Variants in UBE3C observed in about 807,000 individuals in gnomAD.
UBE3C encodes ubiquitin-protein ligase E3C.
Under a neutral mutation model 129.4 loss-of-function variants are expected in UBE3C, and 42 were observed. That is an observed-to-expected ratio of 0.32 (90% CI 0.25 to 0.42). The LOEUF is 0.42. Ranked by LOEUF, UBE3C falls within the 10% of genes least tolerant of loss-of-function variation. UBE3C has a pLI of 1.00. For missense variants in UBE3C, 1,049 were observed against 1,319.1 expected (o/e 0.80, Z 3.17); for synonymous variants, 510 against 492.4 (o/e 1.04, Z -0.47).
At chr7:157,206,753 T>C (rs1809445504) in intron 11 of UBE3C, among the ~76,000 whole-genome samples, 1 of 150,054 alleles carries the variant, frequency 6.7e-6, no homozygotes, top group Admixed American at 6.7e-5. Flanking sequence ...TCACCACACC[T>C]GGCTAATTAA....
In UBE3C at chr7:157,245,992, C is replaced by CAAAA. The variant is rs56270719; in HGVS notation, c.2482-2357_2482-2354dup. On this transcript the variant is annotated intron_variant, in intron 18 of 22. Transcript: ENST00000348165. ...CGGGCAACAGAGGGAGACTCCGTCT[C>CAAAA]AAAAAAAAAAAAAAAAAAAAAACAG... Among the ~76,000 whole-genome samples the CAAAA allele has an allele frequency of 2.7e-3, 230 of 84,634 alleles. 2 individuals carry two copies. The highest frequency in any genetic ancestry group is 0.014 in the Middle Eastern group (2 of 138). 55.5% of individuals were successfully genotyped at this position (84,634 alleles called of 152,430 possible).
chr7:157,244,251 G>C (rs947943863), intron 18 of UBE3C, among the ~76,000 whole-genome samples: 8 of 152,104 alleles, frequency 5.3e-5, no homozygotes, highest in African/African-American at 1.9e-4. Flanking sequence ...AAGAAAGAAA[G>C]ATGAGGTATA....
intron 22 of UBE3C, among the ~76,000 whole-genome samples, chr7:157,261,111 T>C (rs1452941932): frequency 6.6e-6 from 1 of 151,616 alleles, no homozygotes; most frequent in African/African-American, 2.4e-5. Context: ...AAGACGAACC[T>C]GACCAACATG....
Position 157,207,536 on chromosome 7 carries a change from C to A in UBE3C, c.1557C>A (p.Phe519Leu). ...TAATTTCCATACATGATAACGAATT[C>A]TTCGGTGATCCCATAGAAGGTAAGG... is the stretch of plus-strand genomic sequence containing the variant. ...HSLISIHDNE[F>L]FGDPIEVVGQ... Residue 519 changes from phenylalanine to leucine, a missense_variant, in exon 12 of 23, where the codon TTC (phenylalanine) becomes TTA (leucine). By Grantham distance (22) the Phe-to-Leu change is conservative (BLOSUM62 0). Around this residue, in one of 4 missense-constraint regions of UBE3C, gnomAD observed 314 missense variants for 416.9 expected, o/e 0.75. Coordinates refer to ENST00000348165, the MANE Select transcript of UBE3C (RefSeq NM_014671.3). 2 of 1,612,332 alleles carry A rather than the reference C, an allele frequency of 1.2e-6. No homozygotes were observed. The highest frequency in any genetic ancestry group is 1.7e-6 in the Non-Finnish European group (2 of 1,179,702).
chr7:157,202,654 CAAAA>C (rs930672124), intron 11 of UBE3C, among the ~76,000 whole-genome samples: 1 of 149,856 alleles, frequency 6.7e-6, no homozygotes, highest in African/African-American at 2.5e-5. Flanking sequence ...GACTTCCTCT[CAAAA>C]AAAAAGAAAA....
At chr7:157,208,946 G>C (rs949609725) in intron 13 of UBE3C, among the ~76,000 whole-genome samples, 1 of 152,166 alleles carries the variant, frequency 6.6e-6, no homozygotes, top group Non-Finnish European at 1.5e-5. Context: ...TAATACCAGC[G>C]ACCTCTCGCA....
chr7:157,186,733 T>G, intron 9 of UBE3C, 101 bp from the exon 10 acceptor site: 1 of 1,394,666 alleles, frequency 7.2e-7, no homozygotes, highest in East Asian at 2.3e-5. Context: ...ATGCCTAGCT[T>G]TCTTTGCCCG....
chr7:157,230,888 G>C (rs1347995279), intron 17 of UBE3C, among the ~76,000 whole-genome samples, 192 bp from the exon 18 acceptor site: 3 of 152,106 alleles, frequency 2.0e-5, no homozygotes, highest in Non-Finnish European at 4.4e-5. Context: ...TCGTGCCACT[G>C]CACTCCAGCC....
intron 18 of UBE3C, among the ~76,000 whole-genome samples, chr7:157,233,320 T>G (rs1796070745): frequency 6.6e-6 from 1 of 152,228 alleles, no homozygotes. Flanking sequence ...GAAACAGGTC[T>G]TTCTCTGCCA....
chr7:157,161,672 T>C (rs1808074586), intron 1 of UBE3C, among the ~76,000 whole-genome samples: 1 of 152,108 alleles, frequency 6.6e-6, no homozygotes, highest in Non-Finnish European at 1.5e-5. Flanking sequence ...CAGGCTGGTC[T>C]CATACTCCTG....
chr7:157,185,290 G>T (rs550767037), intron 9 of UBE3C, among the ~76,000 whole-genome samples: 1 of 152,234 alleles, frequency 6.6e-6, no homozygotes, highest in African/African-American at 2.4e-5. Flanking sequence ...GCTCTCACTC[G>T]TGCTCACACT....
chr7:157,153,518 AC>A (rs1484444458), intron 1 of UBE3C, among the ~76,000 whole-genome samples: 12 of 152,006 alleles, frequency 7.9e-5, no homozygotes, highest in Admixed American at 7.9e-4. Flanking sequence ...CTGGTCTTGA[AC>A]CGAGCTCAAT....
Position 157,153,372 on chromosome 7 carries a change from A to G in UBE3C, c.67-10438A>G, listed in dbSNP as rs573205640. On this transcript the variant is annotated intron_variant, in intron 1 of 22. Transcript: ENST00000348165. ...TGTAACCTTGAAAAAAAAATAGTTA[A>G]CTCTGGAACCAACTGTCTGTGACTT... 2.6e-5 allele frequency among the ~76,000 whole-genome samples: 4 copies of G among 151,980 alleles called. No homozygotes were observed. In the South Asian group the frequency reaches 8.3e-4, roughly 32 times the overall value.
chr7:157,266,604 T>C (rs1797085121), intron 22 of UBE3C, among the ~76,000 whole-genome samples: 1 of 152,244 alleles, frequency 6.6e-6, no homozygotes, highest in Non-Finnish European at 1.5e-5. Flanking sequence ...AAAACAGCCG[T>C]GTTCTAATTA....
chr7:157,193,534 T>C (rs1458534560), intron 10 of UBE3C, among the ~76,000 whole-genome samples: 2 of 152,210 alleles, frequency 1.3e-5, no homozygotes, highest in African/African-American at 2.4e-5. Flanking sequence ...GATTAACTCA[T>C]AGGATTGTTA....
intron 11 of UBE3C, among the ~76,000 whole-genome samples, chr7:157,204,197 G>A (rs1043732385): frequency 6.6e-6 from 1 of 152,052 alleles, no homozygotes; most frequent in East Asian, 1.9e-4. Context: ...TGGGAATAAA[G>A]TTTAAAATGA....
In UBE3C at chr7:157,183,879, G is replaced by C; in HGVS notation, c.993G>C (p.Gly331=). Residue 331 remains glycine (G), a splice_region_variant and synonymous_variant, in exon 9 of 23, where the codon GGG becomes GGC. Transcript: ENST00000348165. ...FVLTVGENYL[G]ALSEEGLLVY... Reference sequence around the variant, plus strand: ...GTTTTAACTGATTGTTTTGCAAAGGGGCCCTCTCTGAGGAAGGGCTGCTGG... The same window carrying C: ...GTTTTAACTGATTGTTTTGCAAAGGCGCCCTCTCTGAGGAAGGGCTGCTGG... 5.6e-6 allele frequency: 9 copies of C among 1,611,982 alleles called. No homozygotes were observed. The highest frequency in any genetic ancestry group is 7.6e-6 in the Non-Finnish European group (9 of 1,178,876).
At position 157,175,069 on chromosome 7, in the gene UBE3C, T is replaced by C. The variant is rs779544581; in HGVS notation, c.458+35T>C. 17 of 1,488,034 alleles carry C rather than the reference T, an allele frequency of 1.1e-5. 1 individual carries two copies. In the East Asian group the frequency reaches 3.9e-4, roughly 34 times the overall value. 92.2% of individuals were successfully genotyped at this position (1,488,034 alleles called of 1,614,324 possible). ...TATTGTAAGTCAGTAACGTATATAATGTATTGATCACCTTGTCTAGGGGAA... is the reference window on the plus strand; with the variant it reads ...TATTGTAAGTCAGTAACGTATATAACGTATTGATCACCTTGTCTAGGGGAA... On this transcript the variant is annotated intron_variant, in intron 5 of 22. Transcript: ENST00000348165.
At chr7:157,212,849 C>A (rs969735055) in intron 13 of UBE3C, among the ~76,000 whole-genome samples, 1 of 152,154 alleles carries the variant, frequency 6.6e-6, no homozygotes, top group Non-Finnish European at 1.5e-5. Flanking sequence ...CCTCCACCCC[C>A]CAGGCTCAAG....
Sources: allele counts gnomAD v4.1 joint callset (sites outside exome capture counted in the v4.1 genomes callset), GRCh38; gene constraint gnomAD v4.1.1; regional missense constraint gnomAD v4.1.1; transcripts MANE v1.5; gene names NCBI Gene and HGNC (gene_info 2026-07-23, HGNC 2026-07-21).